The following TTC14 variants were observed in gnomAD, a reference collection of about 807,000 sequenced individuals.
TTC14 encodes the protein tetratricopeptide repeat domain 14, also known as tetratricopeptide repeat protein 14.
Under a neutral mutation model 79.9 loss-of-function variants are expected in TTC14, and 63 were observed. The ratio of observed to expected loss-of-function variants is 0.79; its 90% CI spans 0.64 to 0.97. The LOEUF is 0.97. Among genes scored for constraint, TTC14 ranks in the 50% least tolerant of loss-of-function variants. TTC14 has a pLI of 0.00. For missense variants in TTC14, 895 were observed against 894.0 expected (o/e 1.00, Z -0.01); for synonymous variants, 335 against 309.6 (o/e 1.08, Z -0.86).
At chr3:180,616,632 GTTC>G in intron 12 of TTC14, 2 of 1,595,818 alleles carry the variant, frequency 1.3e-6, no homozygotes, top group South Asian at 2.3e-5. Flanking sequence ...TTGATGTCTT[GTTC>G]TTCCATTGTT....
rs368019553 is a variant in TTC14 at position 180,602,243 on chromosome 3, G to T, written c.-19G>T. The T allele has an allele frequency of 2.2e-5, 36 of 1,612,866 alleles. No individual in the cohort carries two copies. Among genetic ancestry groups the T allele is most frequent in the Non-Finnish European group, 3.0e-5 (35 of 1,179,598 alleles). The stretch of plus-strand genomic sequence containing the variant: ...GGAACTATCAGCCCGTCGGCCTCCG[G>T]GCCCTGCATTCTCTAGCCATGGACC... On this transcript the variant is annotated 5_prime_UTR_variant, in exon 1 of 12. Coordinates refer to ENST00000296015, the MANE Select transcript of TTC14 (RefSeq NM_133462.4).
chr3:180,615,094 A>T, downstream of TTC14: 1 of 1,506,268 alleles, frequency 6.6e-7, no homozygotes, highest in South Asian at 1.3e-5. Context: ...GAAAAACCAG[A>T]ATTATAAATT....
At chr3:180,616,637 T>G (rs1323711952) in intron 12 of TTC14, 1 of 1,595,174 alleles carries the variant, frequency 6.3e-7, no homozygotes, top group South Asian at 1.1e-5. Context: ...GTCTTGTTCT[T>G]CCATTGTTTC....
exon 13 of TTC14, chr3:180,617,813 T>A: frequency 4.5e-6 from 1 of 223,464 alleles, no homozygotes; most frequent in Non-Finnish European, 8.7e-6. Flanking sequence ...TAAAATTATT[T>A]TTATGAATTT....
In TTC14 at chr3:180,604,573, G is replaced by A; in HGVS notation, c.667G>A (p.Val223Ile). 6.2e-7 allele frequency: 1 copy of A among 1,610,116 alleles called. No individual in the cohort carries two copies. Among genetic ancestry groups the A allele is most frequent in the Admixed American group, 1.7e-5 (1 of 59,620 alleles). Reference protein sequence around the residue: ...PPHLSGIKLGVISSEELPLYY... With the variant: ...PPHLSGIKLGIISSEELPLYY... ...ACACCTATCTGGTATTAAATTAGGT[G>A]TAATTAGCTCTGAAGAGCTTCCTTT... Residue 223 changes from valine to isoleucine, a missense_variant, in exon 5 of 12, where the codon GTA (valine) becomes ATA (isoleucine). Val to Ile is a conservative substitution (Grantham distance 29). Transcript: ENST00000296015.
chr3:180,617,036 G>T, intron 12 of TTC14: 3 of 823,500 alleles, frequency 3.6e-6, no homozygotes, highest in South Asian at 2.3e-5. Context: ...CATTTATCAA[G>T]TATTCATTTA....
rs766371259 is a variant in TTC14, at chr3:180,616,597, G to A, written c.1775-783G>A. 2.5e-6 allele frequency: 4 copies of A among 1,600,476 alleles called. No homozygotes were observed. The highest frequency in any genetic ancestry group is 4.5e-5 in the East Asian group (2 of 44,646). On this transcript the variant is annotated intron_variant, in intron 12 of 12. Coordinates refer to the TTC14 transcript ENST00000382584. ...CAACTAACATTTCATCAATAACTTT[G>A]TGAAACTGTTTCATTTCACGAAGTT...
Position 180,606,555 on chromosome 3 carries a change from G to T in TTC14, c.1124G>T (p.Arg375Ile). ...GCATTAGAAAACTGTCCAACTCACAGAAATGCAAGAAAATACCTCTGCCAG... is the reference window on the plus strand; with the variant it reads ...GCATTAGAAAACTGTCCAACTCACATAAATGCAAGAAAATACCTCTGCCAG... ...ELALENCPTH[R>I]NARKYLCQTL... Residue 375 changes from arginine to isoleucine, a missense_variant, in exon 9 of 12, where the codon AGA (arginine) becomes ATA (isoleucine). Physicochemically the swap from Arg to Ile is moderately conservative, Grantham distance 97 (BLOSUM62 -3). Transcript: ENST00000296015. The T allele has an allele frequency of 1.2e-6, 2 of 1,613,946 alleles. No homozygotes were observed. The highest frequency in any genetic ancestry group is 1.7e-6 in the Non-Finnish European group (2 of 1,179,904).
chr3:180,607,366 T>G, intron 9 of TTC14, among the ~76,000 whole-genome samples: 1 of 152,180 alleles, frequency 6.6e-6, no homozygotes, highest in East Asian at 1.9e-4. Context: ...AAATTCAAGA[T>G]CATACTAAAT....
At chr3:180,608,282 G>C (rs957863258) in intron 10 of TTC14, 22 of 986,952 alleles carry the variant, frequency 2.2e-5, no homozygotes, top group Non-Finnish European at 2.6e-5. Flanking sequence ...GTTTGTATTT[G>C]AACATGGTGA....
chr3:180,602,584 G>C (rs1016223621), intron 1 of TTC14, 162 bp downstream of exon 1: 26 of 994,550 alleles, frequency 2.6e-5, no homozygotes, highest in Non-Finnish European at 3.3e-5. Context: ...GGGCGCTCCT[G>C]GGTTGTGCAA....
At chr3:180,615,569 G>T (rs1357097678), downstream of TTC14, among the ~76,000 whole-genome samples, 1 of 151,918 alleles carries the variant, frequency 6.6e-6, no homozygotes, top group Non-Finnish European at 1.5e-5. Flanking sequence ...GAAAGTACAG[G>T]GATGTTCAGT....
At chr3:180,613,018 A>C (rs1330582721), downstream of TTC14, among the ~76,000 whole-genome samples, 1 of 152,238 alleles carries the variant, frequency 6.6e-6, no homozygotes, top group Non-Finnish European at 1.5e-5. Flanking sequence ...ATGCAAATTA[A>C]AACCAAATGA....
rs528863074 is a variant in TTC14 at position 180,616,616 on chromosome 3, C to T, written c.1775-764C>T. Reference sequence around the variant, plus strand: ...AACTTTGTGAAACTGTTTCATTTCACGAAGTTTGATGTCTTGTTCTTCCAT... The same window carrying T: ...AACTTTGTGAAACTGTTTCATTTCATGAAGTTTGATGTCTTGTTCTTCCAT... On this transcript the variant is annotated intron_variant, in intron 12 of 12. Coordinates refer to the TTC14 transcript ENST00000382584. 22 of 1,595,622 alleles carry T rather than the reference C, an allele frequency of 1.4e-5. No homozygotes were observed. The highest frequency in any genetic ancestry group is 1.7e-4 in the Middle Eastern group (1 of 6,018).
At chr3:180,617,725 TA>T (rs1363174921) in exon 13 of TTC14, 9 of 381,482 alleles carry the variant, frequency 2.4e-5, no homozygotes, top group Admixed American at 4.5e-5. Flanking sequence ...CACAAAAGAG[TA>T]AAAAAATTTT....
chr3:180,603,571 A>G lies in TTC14; in HGVS notation c.486+248A>G, dbSNP rs1323717190. On this transcript the variant is annotated intron_variant, in intron 3 of 11. Coordinates refer to ENST00000296015, the MANE Select transcript of TTC14 (RefSeq NM_133462.4). ...GCACAGTGTTCTTTTCTAAATGCTC[A>G]AAGAGGTATCAGTGGACGTGGTGAG... 5 of 480,782 alleles carry G rather than the reference A, an allele frequency of 1.0e-5. No individual in the cohort carries two copies. The Admixed American group carries it at 1.8e-4, about 17-fold the overall frequency. The allele number at this position is 480,782 out of a possible 1,614,324, so 29.8% of individuals were successfully genotyped here.
chr3:180,610,874 C>G lies in TTC14; in HGVS notation c.*332C>G. On this transcript the variant is annotated 3_prime_UTR_variant, in exon 12 of 12. Coordinates refer to ENST00000296015, the MANE Select transcript of TTC14 (RefSeq NM_133462.4). The stretch of plus-strand genomic sequence containing the variant: ...GAATTCCTGGGTGCATCTTATTCTG[C>G]TGTTTGAGAGAAAAATTTGTGCATT... The G allele has an allele frequency of 1.0e-6, 1 of 989,314 alleles. No individual in the cohort carries two copies. 61.3% of individuals were successfully genotyped at this position (989,314 alleles called of 1,614,324 possible). A position where few individuals can be genotyped will look rare whatever the true frequency, so the allele number is the denominator to read the frequency against.
At chr3:180,608,482 A>T in intron 10 of TTC14, 2 of 1,078,198 alleles carry the variant, frequency 1.9e-6, no homozygotes, top group Non-Finnish European at 2.3e-6. Flanking sequence ...ACCAACTGCA[A>T]TATGGTCCTC....
Position 180,610,125 on chromosome 3 carries a change from C to T in TTC14, c.1896C>T (p.Ser632=), listed in dbSNP as rs760659878. 4.3e-6 allele frequency: 7 copies of T among 1,612,922 alleles called. No individual in the cohort carries two copies. The East Asian group carries it at 1.3e-4, about 31-fold the overall frequency. Reference sequence around the variant, plus strand: ...CCAGTAGAAGAAATTCCTCAGATTCCTTCTGTAGGAATTCAGAGGACAAGA... The same window carrying T: ...CCAGTAGAAGAAATTCCTCAGATTCTTTCTGTAGGAATTCAGAGGACAAGA... The part of the protein sequence containing the change: ...HFSSRRNSSD[S]FCRNSEDKIY... The change falls in exon 12 of 12, where the codon TCC becomes TCT. Residue 632 remains serine, a synonymous_variant. Transcript: ENST00000296015.
Sources: allele counts gnomAD v4.1 joint callset (sites outside exome capture counted in the v4.1 genomes callset), GRCh38; gene constraint gnomAD v4.1.1; transcripts MANE v1.5; gene names NCBI Gene and HGNC (gene_info 2026-07-23, HGNC 2026-07-21).